Variants in ADAMTSL1 observed in about 807,000 individuals in gnomAD.
ADAMTSL1 encodes the protein ADAMTS like 1, also known as ADAMTS-like protein 1.
ADAMTSL1 carries 126 observed loss-of-function variants against 201.8 expected under a neutral mutation model. That is an observed-to-expected ratio of 0.62 (90% CI 0.54 to 0.72). ADAMTSL1 has a LOEUF of 0.72. ADAMTSL1 is among the 30% of genes least tolerant of loss of function. ADAMTSL1 has a pLI of 0.00. For missense variants in ADAMTSL1, 2,679 were observed against 2,277.8 expected, an observed-to-expected ratio of 1.18 and a Z score of -3.59; for synonymous variants, 1,121 against 903.4, an observed-to-expected ratio of 1.24 and a Z score of -4.32.
intron 2 of ADAMTSL1, among the ~76,000 whole-genome samples, chr9:18,343,690 A>T (rs903583061): frequency 6.6e-6 from 1 of 152,166 alleles, no homozygotes; most frequent in Non-Finnish European, 1.5e-5. Flanking sequence ...AGCTTTGTAC[A>T]GTACTGACTA....
chr9:18,809,850 G>A (rs904748443), intron 20 of ADAMTSL1, among the ~76,000 whole-genome samples: 2 of 152,122 alleles, frequency 1.3e-5, no homozygotes, highest in African/African-American at 2.4e-5. Context: ...ACTGAAAAGG[G>A]ACTGGAAAGT....
chr9:18,211,748 A>G (rs1829879865), intron 2 of ADAMTSL1, among the ~76,000 whole-genome samples: 1 of 152,198 alleles, frequency 6.6e-6, no homozygotes, highest in African/African-American at 2.4e-5. Context: ...ATGTAATTTT[A>G]TATTTATCTG....
chr9:17,955,877 A>T lies in ADAMTSL1; in HGVS notation c.87+48955A>T, dbSNP rs1193458156. On this transcript the variant is annotated intron_variant, in intron 1 of 29. Coordinates refer to the ADAMTSL1 transcript ENST00000680146. ...TCAGGTATCCCCTGAGGTTCTTAGG[A>T]TATGTCTCCTGGGGATAAAGTGGGA... Among the ~76,000 whole-genome samples, 5 of 152,300 alleles carry T rather than the reference A, an allele frequency of 3.3e-5. No homozygotes were observed. The South Asian group carries it at 6.2e-4, about 19-fold the overall frequency.
intron 2 of ADAMTSL1, among the ~76,000 whole-genome samples, chr9:18,517,378 A>C (rs949999655): frequency 6.6e-6 from 1 of 151,946 alleles, no homozygotes; most frequent in African/African-American, 2.4e-5. Flanking sequence ...GTAGCTATTT[A>C]ATTTCATTTT....
At chr9:18,358,498 C>T (rs933803427) in intron 2 of ADAMTSL1, among the ~76,000 whole-genome samples, 1 of 152,150 alleles carries the variant, frequency 6.6e-6, no homozygotes, top group African/African-American at 2.4e-5. Context: ...AAAGAGAAAT[C>T]TCATACCCAT....
chr9:17,990,168 C>T (rs1214108450), intron 1 of ADAMTSL1, among the ~76,000 whole-genome samples: 2 of 151,930 alleles, frequency 1.3e-5, no homozygotes, highest in Non-Finnish European at 2.9e-5. Context: ...AAAAGGGAAG[C>T]CATCTTGTAG....
intron 2 of ADAMTSL1, among the ~76,000 whole-genome samples, chr9:18,518,032 TTC>T (rs1818467034): frequency 6.6e-6 from 1 of 152,152 alleles, no homozygotes; most frequent in African/African-American, 2.4e-5. Context: ...CCTTCCTTCC[TTC>T]TCTCACGAAA....
intron 1 of ADAMTSL1, among the ~76,000 whole-genome samples, chr9:17,929,211 C>T (rs1826677626): frequency 6.6e-6 from 1 of 152,048 alleles, no homozygotes; most frequent in African/African-American, 2.4e-5. Context: ...ATGGCACTTC[C>T]CTGCTTAAAG....
At chr9:18,537,957 A>C (rs1305642064) in intron 3 of ADAMTSL1, among the ~76,000 whole-genome samples, 1 of 142,104 alleles carries the variant, frequency 7.0e-6, no homozygotes, top group Non-Finnish European at 1.5e-5. Context: ...AAGAAGAAGG[A>C]AGAAGAGAAG....
At position 18,777,784 on chromosome 9, in the gene ADAMTSL1, G is replaced by C. The variant is rs574607445; in HGVS notation, c.3555G>C (p.Leu1185=). 1.9e-6 allele frequency: 3 copies of C among 1,613,646 alleles called. No individual in the cohort carries two copies. In the Admixed American group the frequency reaches 5.0e-5, roughly 27 times the overall value. ...QLSASEVVTH[L]GQTVALASGT... Reference sequence around the variant, plus strand: ...CAGCCTCGGAGGTGGTCACCCACCTGGGGCAGACGGTGGCCCTGGCCAGCG... The same window carrying C: ...CAGCCTCGGAGGTGGTCACCCACCTCGGGCAGACGGTGGCCCTGGCCAGCG... The change falls in exon 19 of 29, where the codon CTG becomes CTC. Residue 1185 remains leucine, a synonymous_variant. Coordinates refer to ENST00000380548, the MANE Select transcript of ADAMTSL1 (RefSeq NM_001040272.6).
chr9:17,945,890 A>G (rs1023545090), intron 1 of ADAMTSL1, among the ~76,000 whole-genome samples: 8 of 151,532 alleles, frequency 5.3e-5, no homozygotes, highest in African/African-American at 9.7e-5. Context: ...TGGGTGCAGC[A>G]CACCAGCATG....
intron 1 of ADAMTSL1, among the ~76,000 whole-genome samples, chr9:18,054,499 A>G (rs1822083028): frequency 1.3e-5 from 2 of 152,186 alleles, no homozygotes; most frequent in Admixed American, 6.5e-5. Context: ...ATAGGTCTGT[A>G]TGTGTGTTGG....
intron 23 of ADAMTSL1, among the ~76,000 whole-genome samples, chr9:18,831,528 T>C (rs1824975849): frequency 6.6e-6 from 1 of 152,232 alleles, no homozygotes; most frequent in Non-Finnish European, 1.5e-5. Context: ...AGCTTTACTT[T>C]CAGTCTCCCT....
intron 23 of ADAMTSL1, among the ~76,000 whole-genome samples, chr9:18,866,114 A>G (rs116404225): frequency 0.029 from 4,165 of 142,708 alleles, 268 homozygotes; most frequent in African/African-American, 0.086. Context: ...GCCTTCAAAA[A>G]CCAAAAAAAA....
intron 13 of ADAMTSL1, among the ~76,000 whole-genome samples, chr9:18,687,407 CAA>C (rs1830903461): frequency 6.6e-6 from 1 of 152,162 alleles, no homozygotes; most frequent in African/African-American, 2.4e-5. Context: ...TTCCCCCCAC[CAA>C]GGAGACTCAC....
At chr9:18,626,874 T>TA (rs1554718052) in intron 5 of ADAMTSL1, among the ~76,000 whole-genome samples, 7 of 112,918 alleles carry the variant, frequency 6.2e-5, no homozygotes, top group African/African-American at 2.9e-4. Flanking sequence ...TTTCTGTCTT[T>TA]CTTCCTTCCT....
chr9:18,062,235 A>G (rs58756256), intron 1 of ADAMTSL1, among the ~76,000 whole-genome samples: 3,146 of 152,302 alleles, frequency 0.021, 111 homozygotes, highest in African/African-American at 0.072. Flanking sequence ...GAAAAATGTC[A>G]TGATTGACTT....
chr9:18,196,245 A>T (rs976371703), intron 2 of ADAMTSL1, among the ~76,000 whole-genome samples: 2 of 152,080 alleles, frequency 1.3e-5, no homozygotes, highest in African/African-American at 4.8e-5. Flanking sequence ...TGGGAATTAG[A>T]TGAGCTACTG....
intron 1 of ADAMTSL1, among the ~76,000 whole-genome samples, chr9:18,490,303 A>C (rs747278122): frequency 6.6e-6 from 1 of 151,940 alleles, no homozygotes; most frequent in African/African-American, 2.4e-5. Flanking sequence ...CAGAAGCAGA[A>C]TAGGTGGCAG....
Sources: allele counts gnomAD v4.1 joint callset (sites outside exome capture counted in the v4.1 genomes callset), GRCh38; gene constraint gnomAD v4.1.1; transcripts MANE v1.5; gene names NCBI Gene and HGNC (gene_info 2026-07-23, HGNC 2026-07-21).